The following GDA variants were observed in gnomAD, a reference collection of about 807,000 sequenced individuals.
GDA encodes the protein guanine deaminase.
Under a neutral mutation model 59.6 loss-of-function variants are expected in GDA, and 18 were observed. That is an observed-to-expected ratio of 0.30 (90% CI 0.21 to 0.45). The LOEUF is 0.45. Among genes scored for constraint, GDA ranks in the 20% least tolerant of loss-of-function variants. GDA has a pLI of 1.00. For missense variants in GDA, 427 were observed against 552.3 expected (o/e 0.77, Z 2.27); for synonymous variants, 201 against 201.1 (o/e 1.00, Z 0.00).
At chr9:72,157,143 G>A (rs767586366) in intron 1 of GDA, among the ~76,000 whole-genome samples, 31 of 147,542 alleles carry the variant, frequency 2.1e-4, no homozygotes, top group Non-Finnish European at 3.9e-4. Flanking sequence ...GGGTTCAAGC[G>A]ATTCTCCTGC....
At chr9:72,127,164 G>A (rs2130599600) in intron 1 of GDA, among the ~76,000 whole-genome samples, 1 of 152,036 alleles carries the variant, frequency 6.6e-6, no homozygotes, top group East Asian at 1.9e-4. Context: ...CTTGCTATAT[G>A]TAATGGACTA....
chr9:72,182,599 A>G (rs1045110112), intron 1 of GDA, among the ~76,000 whole-genome samples: 2 of 152,166 alleles, frequency 1.3e-5, no homozygotes, highest in South Asian at 2.1e-4. Context: ...AGCTTTCTGC[A>G]CTTCTCTTTG....
intron 1 of GDA, among the ~76,000 whole-genome samples, chr9:72,189,271 C>T (rs1035962032): frequency 6.1e-5 from 9 of 148,656 alleles, no homozygotes; most frequent in African/African-American, 2.2e-4. Context: ...GCCTTGACCT[C>T]CCAGGCTTAA....
intron 1 of GDA, among the ~76,000 whole-genome samples, chr9:72,133,810 C>G (rs1826121600): frequency 2.0e-5 from 3 of 152,198 alleles, no homozygotes; most frequent in Admixed American, 1.3e-4. Flanking sequence ...TGATGCAGTG[C>G]TGCTTTAGTG....
upstream of GDA, among the ~76,000 whole-genome samples, chr9:72,145,869 C>T (rs140267534): frequency 3.3e-3 from 502 of 152,308 alleles, 3 homozygotes; most frequent in African/African-American, 0.012. Context: ...ACTATAGCCT[C>T]TTAATTTTTA....
chr9:72,140,786 G>A (rs1826412952), intron 1 of GDA, among the ~76,000 whole-genome samples: 1 of 152,130 alleles, frequency 6.6e-6, no homozygotes, highest in African/African-American at 2.4e-5. Flanking sequence ...CTAAGTCATG[G>A]TGACCACACC....
intron 10 of GDA, among the ~76,000 whole-genome samples, chr9:72,233,599 T>C (rs992788124): frequency 2.0e-5 from 3 of 152,208 alleles, no homozygotes; most frequent in Non-Finnish European, 4.4e-5. Context: ...CCAGCAATTT[T>C]ACTCTTGGGT....
Position 72,250,533 on chromosome 9 carries a change from A to G in GDA, c.*2191A>G, listed in dbSNP as rs1327694153. ...ACTTTGATCTCTCCACATCACTTAT[A>G]ACTTATGTGTTTTATTTCTCCAAGT... On this transcript the variant is annotated 3_prime_UTR_variant, in exon 14 of 14. Transcript: ENST00000358399. The G allele has an allele frequency of 2.1e-6, 3 of 1,423,002 alleles. No individual in the cohort carries two copies. The highest frequency in any genetic ancestry group is 2.7e-6 in the Non-Finnish European group (3 of 1,092,060). The allele number at this position is 1,423,002 out of a possible 1,614,324, so 88.1% of individuals were successfully genotyped here. A position where few individuals can be genotyped will look rare whatever the true frequency, so the allele number is the denominator to read the frequency against.
chr9:72,138,982 C>T (rs982875244), intron 1 of GDA, among the ~76,000 whole-genome samples: 20 of 152,142 alleles, frequency 1.3e-4, no homozygotes, highest in Admixed American at 2.6e-4. Context: ...ACATCTGTAT[C>T]GTTGTATCTT....
At chr9:72,219,396 C>G in intron 5 of GDA, 83 bp from the exon 6 acceptor site, 1 of 1,011,378 alleles carries the variant, frequency 9.9e-7, no homozygotes, top group Non-Finnish European at 1.5e-6. Flanking sequence ...GAGCCAGACT[C>G]TGTCTGAAGA....
At chr9:72,237,943 A>G (rs1839204312) in intron 10 of GDA, among the ~76,000 whole-genome samples, 1 of 152,004 alleles carries the variant, frequency 6.6e-6, no homozygotes, top group Non-Finnish European at 1.5e-5. Context: ...CCAGCTTCCT[A>G]ATGGGTCTCA....
At chr9:72,240,262 C>T (rs977862267) in intron 10 of GDA, among the ~76,000 whole-genome samples, 1 of 152,146 alleles carries the variant, frequency 6.6e-6, no homozygotes, top group Non-Finnish European at 1.5e-5. Context: ...TCTAAAAGCT[C>T]TTCATAAAAA....
At chr9:72,116,259 T>C (rs760420883) in intron 1 of GDA, among the ~76,000 whole-genome samples, 20 of 152,058 alleles carry the variant, frequency 1.3e-4, no homozygotes, top group Non-Finnish European at 1.2e-4. Context: ...TGAAATATGT[T>C]CCTTATTTTG....
At position 72,241,187 on chromosome 9, in the gene GDA, G is replaced by A; in HGVS notation, c.1024G>A (p.Ala342Thr). 1 of 1,607,550 alleles carries A rather than the reference G, an allele frequency of 6.2e-7. No homozygotes were observed. Among genetic ancestry groups the A allele is most frequent in the Non-Finnish European group, 8.5e-7 (1 of 1,174,898 alleles). Residue 342 changes from alanine to threonine, a missense_variant, in exon 11 of 14, where the codon GCA (alanine) becomes ACA (threonine). Physicochemically the swap from Ala to Thr is moderately conservative, Grantham distance 58. Coordinates refer to ENST00000358399, the MANE Select transcript of GDA (RefSeq NM_004293.5). ...AGGYSYSMLD[A>T]IRRAVMVSNI... ...TGGCTATTCATATTCCATGCTTGATGCAATCAGAAGAGCAGTGATGGTTTC... is the reference window on the plus strand; with the variant it reads ...TGGCTATTCATATTCCATGCTTGATACAATCAGAAGAGCAGTGATGGTTTC...
chr9:72,187,968 G>A (rs1464137908), intron 1 of GDA, among the ~76,000 whole-genome samples: 2 of 152,210 alleles, frequency 1.3e-5, no homozygotes, highest in African/African-American at 4.8e-5. Flanking sequence ...GAATTTAAAA[G>A]TGATGAAATA....
chr9:72,223,846 T>C (rs1484826472), intron 7 of GDA, among the ~76,000 whole-genome samples: 1 of 152,222 alleles, frequency 6.6e-6, no homozygotes, highest in Admixed American at 6.5e-5. Context: ...TTACATACTG[T>C]ACTAAAATTT....
chr9:72,215,147 T>C (rs996385571), intron 5 of GDA, among the ~76,000 whole-genome samples: 5 of 152,170 alleles, frequency 3.3e-5, no homozygotes, highest in African/African-American at 1.2e-4. Flanking sequence ...ATGTGTTAAT[T>C]TAAAAATGAT....
rs1255362883 is a variant in GDA at position 72,214,291 on chromosome 9, T to A, written c.578+300T>A. ...TATTTTTTATTTATTTTTATTTTTT[T>A]TTTTTGAGACGGAGTCTCACTCTGT... On this transcript the variant is annotated intron_variant, in intron 5 of 13. Transcript: ENST00000358399. Among the ~76,000 whole-genome samples, 4 of 151,816 alleles carry A rather than the reference T, an allele frequency of 2.6e-5. No individual in the cohort carries two copies. In the East Asian group the frequency reaches 5.8e-4, roughly 22 times the overall value.
Position 72,134,805 on chromosome 9 carries a change from C to T in GDA, c.-100+19972C>T, listed in dbSNP as rs1432254256. 3.3e-5 allele frequency among the ~76,000 whole-genome samples: 5 copies of T among 152,316 alleles called. No individual in the cohort carries two copies. In the East Asian group the frequency reaches 9.6e-4, roughly 29 times the overall value. On this transcript the variant is annotated intron_variant, in intron 1 of 13. Coordinates refer to the GDA transcript ENST00000545168. ...AAGAGTACATAGAATTGAATTAATA[C>T]TTGTGAGCCATATGAAGAAGTAGAA...
Sources: gnomAD v4.1 joint callset for allele counts (sites outside exome capture counted in the v4.1 genomes callset) on GRCh38, gnomAD v4.1.1 for gene constraint, MANE v1.5 for transcripts, NCBI Gene and HGNC (gene_info 2026-07-23, HGNC 2026-07-21) for gene names.